Variants in NR2C2 observed in about 807,000 individuals in gnomAD.
NR2C2 encodes the protein Nuclear hormone receptor TR4.
NR2C2 carries 6 observed loss-of-function variants against 62.9 expected under a neutral mutation model. The observed-to-expected ratio is 0.10, with a 90% CI of 0.05 to 0.19. The LOEUF (loss-of-function observed/expected upper bound fraction) is 0.19. Ranked by LOEUF, NR2C2 falls within the 10% of genes least tolerant of loss-of-function variation. NR2C2 has a pLI of 1.00. For missense variants in NR2C2, 479 were observed against 762.7 expected, an observed-to-expected ratio of 0.63 and a Z score of 4.38; for synonymous variants, 272 against 273.8, an observed-to-expected ratio of 0.99 and a Z score of 0.07.
At chr3:15,022,398 C>CTTTTTT (rs71038450) in intron 5 of NR2C2, among the ~76,000 whole-genome samples, 27 of 89,142 alleles carry the variant, frequency 3.0e-4, no homozygotes, top group Non-Finnish European at 3.5e-4. Flanking sequence ...CTTTTTCTTT[C>CTTTTTT]TTTTTTTTTT....
intron 9 of NR2C2, among the ~76,000 whole-genome samples, chr3:15,031,821 T>A (rs188050014): frequency 1.9e-4 from 29 of 152,078 alleles, no homozygotes. Flanking sequence ...CTCCACCTCC[T>A]GGGTTCAAGC....
chr3:15,027,901 C>G (rs963872393), intron 7 of NR2C2, among the ~76,000 whole-genome samples: 1 of 151,384 alleles, frequency 6.6e-6, no homozygotes, highest in Non-Finnish European at 1.5e-5. Context: ...GAATCTTACT[C>G]TGTCACCCAG....
rs1281314219 is a variant in NR2C2 at position 15,043,177 on chromosome 3, G to A, written c.*169G>A. 1.8e-5 allele frequency: 9 copies of A among 492,798 alleles called. No individual in the cohort carries two copies. Among genetic ancestry groups the A allele is most frequent in the Non-Finnish European group, 3.0e-5 (9 of 299,020 alleles). 30.5% of individuals were successfully genotyped at this position (492,798 alleles called of 1,614,324 possible). A position where few individuals can be genotyped will look rare whatever the true frequency, so the allele number is the denominator to read the frequency against. On this transcript the variant is annotated 3_prime_UTR_variant, in exon 14 of 14. Transcript: ENST00000425241. ...GACAATAGCAATTAAAAGACTAGTA[G>A]GATCCTTTCCTGACATAAGAAATGT...
At chr3:15,032,689 T>C (rs2042010959) in intron 10 of NR2C2, among the ~76,000 whole-genome samples, 189 bp downstream of exon 10, 1 of 152,170 alleles carries the variant, frequency 6.6e-6, no homozygotes, top group South Asian at 2.1e-4. Context: ...TTCTGCAATG[T>C]TCCTCTAAAC....
At chr3:14,949,365 C>T (rs2039272911) in intron 1 of NR2C2, among the ~76,000 whole-genome samples, 1 of 152,194 alleles carries the variant, frequency 6.6e-6, no homozygotes, top group South Asian at 2.1e-4. Flanking sequence ...ACAGGACATC[C>T]CGTGTAACGG....
At chr3:15,018,162 C>A (rs2041563515) in intron 4 of NR2C2, among the ~76,000 whole-genome samples, 1 of 152,112 alleles carries the variant, frequency 6.6e-6, no homozygotes, top group South Asian at 2.1e-4. Context: ...CCACGCCTGG[C>A]TAATTTTTGT....
At chr3:15,027,382 T>G (rs1559302080) in intron 7 of NR2C2, among the ~76,000 whole-genome samples, 2 of 152,264 alleles carry the variant, frequency 1.3e-5, no homozygotes, top group Admixed American at 6.5e-5. Context: ...CCACTTTACA[T>G]TCTCACCAAC....
chr3:15,005,519 C>CTTTTT (rs574293033), intron 2 of NR2C2, among the ~76,000 whole-genome samples: 2 of 114,116 alleles, frequency 1.8e-5, no homozygotes, highest in Non-Finnish European at 1.8e-5. Context: ...GCGTGGCCAA[C>CTTTTT]TTTTTTTTTT....
intron 2 of NR2C2, among the ~76,000 whole-genome samples, chr3:15,012,673 G>C (rs944005509): frequency 6.6e-6 from 1 of 152,132 alleles, no homozygotes; most frequent in African/African-American, 2.4e-5. Flanking sequence ...TTGCAGTAAG[G>C]GTCTGCTGGT....
At chr3:15,023,048 T>A (rs116235433) in intron 5 of NR2C2, 152 bp from the exon 6 acceptor site, 11,794 of 800,502 alleles carry the variant, frequency 0.015, 129 homozygotes, top group Middle Eastern at 0.057. Flanking sequence ...TTATTCCTTC[T>A]CTCTGGCCGA....
At chr3:15,019,521 G>C (rs1227905794) in intron 4 of NR2C2, among the ~76,000 whole-genome samples, 2 of 152,192 alleles carry the variant, frequency 1.3e-5, no homozygotes, top group East Asian at 3.8e-4. Context: ...ATCAGCTTAA[G>C]TATCCAACAG....
intron 1 of NR2C2, among the ~76,000 whole-genome samples, chr3:14,970,115 A>C (rs2039993280): frequency 6.6e-6 from 1 of 152,190 alleles, no homozygotes. Flanking sequence ...AGAAAACAGC[A>C]GGTTTCTGAA....
chr3:14,954,193 T>C (rs2039453886), intron 1 of NR2C2, among the ~76,000 whole-genome samples: 1 of 152,170 alleles, frequency 6.6e-6, no homozygotes, highest in South Asian at 2.1e-4. Context: ...TGTCACAAAG[T>C]ATATATCAGC....
chr3:15,023,971 T>C, intron 6 of NR2C2, 144 bp from the exon 7 acceptor site: 2 of 644,702 alleles, frequency 3.1e-6, no homozygotes, highest in Non-Finnish European at 5.5e-6. Flanking sequence ...GGGGTTCTGC[T>C]TAGTCACTAA....
intron 12 of NR2C2, 29 bp downstream of exon 12, chr3:15,038,166 C>G (rs545427942): frequency 1.3e-6 from 2 of 1,588,040 alleles, no homozygotes; most frequent in East Asian, 4.5e-5. Flanking sequence ...ATGCATGACC[C>G]CTTTCCACCT....
At chr3:15,039,044 C>A in intron 12 of NR2C2, 78 bp from the exon 13 acceptor site, 1 of 1,038,740 alleles carries the variant, frequency 9.6e-7, no homozygotes, top group Non-Finnish European at 1.5e-6. Flanking sequence ...AGAAGTTTGA[C>A]TAAAAGTACT....
chr3:14,962,768 T>C (rs1053578375), intron 1 of NR2C2, among the ~76,000 whole-genome samples: 2 of 151,906 alleles, frequency 1.3e-5, no homozygotes, highest in Admixed American at 1.3e-4. Flanking sequence ...TATTGAACCT[T>C]GTGGGTATAG....
chr3:15,021,401 C>T (rs1413150544), intron 5 of NR2C2, among the ~76,000 whole-genome samples: 2 of 152,166 alleles, frequency 1.3e-5, no homozygotes, highest in East Asian at 3.8e-4. Context: ...AGGTCCTTTG[C>T]CAAGCCTCTG....
intron 1 of NR2C2, among the ~76,000 whole-genome samples, chr3:14,950,324 A>G (rs565013684): frequency 2.0e-5 from 3 of 152,322 alleles, no homozygotes; most frequent in South Asian, 4.1e-4. Flanking sequence ...AGGGTGCTTT[A>G]TGATTTACAG....
Sources: allele counts gnomAD v4.1 joint callset (sites outside exome capture counted in the v4.1 genomes callset), GRCh38; gene constraint gnomAD v4.1.1; transcripts MANE v1.5; gene names NCBI Gene and HGNC (gene_info 2026-07-23, HGNC 2026-07-21).